CTNNA2: variants seen among roughly 807,000 people sequenced by gnomAD.
The protein encoded by CTNNA2 is catenin alpha-2.
In CTNNA2, 42 loss-of-function variants were observed where a neutral mutation model predicts 101.0. The ratio of observed to expected loss-of-function variants is 0.42; its 90% CI spans 0.32 to 0.54. The LOEUF (loss-of-function observed/expected upper bound fraction) is 0.54, where lower values mean the gene tolerates loss of function less well. Among genes scored for constraint, CTNNA2 ranks in the 20% least tolerant of loss-of-function variants. The pLI is 0.14. For synonymous variants in CTNNA2, 450 were observed against 456.4 expected (o/e 0.99, Z 0.18); for missense variants, 871 against 1,223.1 (o/e 0.71, Z 4.29).
chr2:79,355,282 T>C (rs1677484021), intron 3 of CTNNA2, among the ~76,000 whole-genome samples: 1 of 152,188 alleles, frequency 6.6e-6, no homozygotes, highest in South Asian at 2.1e-4. Context: ...GGTGATTTGA[T>C]AGGGAATACA....
At chr2:80,148,133 A>G (rs1703467460) in intron 7 of CTNNA2, among the ~76,000 whole-genome samples, 1 of 152,116 alleles carries the variant, frequency 6.6e-6, no homozygotes, top group South Asian at 2.1e-4. Context: ...TCCATTGCAA[A>G]TATCTAAATG....
chr2:80,121,599 C>T (rs758550410), intron 7 of CTNNA2, among the ~76,000 whole-genome samples: 1 of 152,086 alleles, frequency 6.6e-6, no homozygotes, highest in Non-Finnish European at 1.5e-5. Context: ...GATGAAGGAG[C>T]TGATGTTCAG....
chr2:79,804,958 G>A (rs1458236988), intron 3 of CTNNA2, among the ~76,000 whole-genome samples: 1 of 152,196 alleles, frequency 6.6e-6, no homozygotes, highest in Non-Finnish European at 1.5e-5. Flanking sequence ...GAGCAAGAAT[G>A]AGCTGGGCCA....
chr2:79,261,006 C>A (rs1169099006), intron 2 of CTNNA2, among the ~76,000 whole-genome samples: 2 of 152,142 alleles, frequency 1.3e-5, no homozygotes, highest in African/African-American at 4.8e-5. Flanking sequence ...AGAAGAATTA[C>A]CCTAAGCACA....
chr2:80,443,899 T>G (rs1487559884), intron 9 of CTNNA2, among the ~76,000 whole-genome samples: 1 of 152,170 alleles, frequency 6.6e-6, no homozygotes, highest in Non-Finnish European at 1.5e-5. Context: ...AGAGACCAAA[T>G]GGGGCACATC....
intron 9 of CTNNA2, among the ~76,000 whole-genome samples, chr2:80,505,676 G>T (rs1223170823): frequency 6.6e-6 from 1 of 152,174 alleles, no homozygotes; most frequent in Non-Finnish European, 1.5e-5. Flanking sequence ...GACATTTCAA[G>T]TTGTTCCCAA....
At chr2:80,259,085 A>G (rs1672397058) in intron 7 of CTNNA2, among the ~76,000 whole-genome samples, 1 of 152,122 alleles carries the variant, frequency 6.6e-6, no homozygotes, top group South Asian at 2.1e-4. Context: ...TGTTCGTTCC[A>G]GGAGTGATTG....
At chr2:80,322,335 G>GA in intron 7 of CTNNA2, among the ~76,000 whole-genome samples, 1 of 152,172 alleles carries the variant, frequency 6.6e-6, no homozygotes, top group Non-Finnish European at 1.5e-5. Context: ...ACAGACCCAT[G>GA]AATGGGTGTA....
intron 3 of CTNNA2, among the ~76,000 whole-genome samples, chr2:79,757,139 A>C (rs1672454823): frequency 6.6e-6 from 1 of 152,206 alleles, no homozygotes; most frequent in African/African-American, 2.4e-5. Context: ...AAATAAACTT[A>C]GAATAATTTT....
intron 18 of CTNNA2, among the ~76,000 whole-genome samples, chr2:80,637,827 G>A (rs1160257974): frequency 1.3e-5 from 2 of 152,106 alleles, no homozygotes; most frequent in African/African-American, 4.8e-5. Flanking sequence ...CCACCAACCT[G>A]CACCCAAACC....
chr2:79,835,705 A>T (rs1347805646), intron 3 of CTNNA2, among the ~76,000 whole-genome samples: 6 of 65,754 alleles, frequency 9.1e-5, no homozygotes, highest in South Asian at 5.6e-4. Context: ...TTTTTTTTTG[A>T]GACAGAGTGT....
At chr2:79,747,239 A>ACCT (rs1671707185) in intron 3 of CTNNA2, among the ~76,000 whole-genome samples, 1 of 151,904 alleles carries the variant, frequency 6.6e-6, no homozygotes. Flanking sequence ...GCAGTGCCAA[A>ACCT]TCTAAGTTTT....
Position 80,648,731 on chromosome 2 carries a change from T to G in CTNNA2, c.*859T>G. On this transcript the variant is annotated 3_prime_UTR_variant, in exon 19 of 19. Transcript: ENST00000402739. Reference sequence around the variant, plus strand: ...TGTAGCTTGGAGTGCTGGTATCTAATATACCATTGTATTCACTAACTAACT... The same window carrying G: ...TGTAGCTTGGAGTGCTGGTATCTAAGATACCATTGTATTCACTAACTAACT... 1 of 152,172 alleles carries G rather than the reference T, an allele frequency of 6.6e-6. No homozygotes were observed. Among genetic ancestry groups the G allele is most frequent in the Non-Finnish European group, 1.5e-5 (1 of 68,036 alleles). The allele number at this position is 152,172 out of a possible 1,614,324, so 9.4% of individuals were successfully genotyped here.
chr2:80,214,327 G>A (rs576743845), intron 7 of CTNNA2, among the ~76,000 whole-genome samples: 3 of 152,258 alleles, frequency 2.0e-5, no homozygotes, highest in Admixed American at 1.3e-4. Flanking sequence ...TTACAATTTG[G>A]CATGTTTTTG....
intron 4 of CTNNA2, among the ~76,000 whole-genome samples, chr2:79,419,272 T>C (rs926692146): frequency 6.6e-6 from 1 of 152,184 alleles, no homozygotes; most frequent in Admixed American, 6.5e-5. Context: ...AATACAAAAA[T>C]TATTTAACTC....
intron 7 of CTNNA2, among the ~76,000 whole-genome samples, chr2:80,105,849 C>A (rs1216391441): frequency 2.6e-5 from 4 of 152,138 alleles, no homozygotes; most frequent in African/African-American, 7.2e-5. Context: ...GTGTGTTTCA[C>A]CCCAGGCTTT....
intron 7 of CTNNA2, among the ~76,000 whole-genome samples, chr2:80,081,025 C>T (rs2148802778): frequency 6.8e-6 from 1 of 146,982 alleles, no homozygotes; most frequent in South Asian, 2.2e-4. Context: ...CGTGTGGAAC[C>T]AGTTATAGAA....
intron 3 of CTNNA2, among the ~76,000 whole-genome samples, chr2:79,779,087 C>T (rs1674226307): frequency 6.6e-6 from 1 of 151,742 alleles, no homozygotes; most frequent in Non-Finnish European, 1.5e-5. Flanking sequence ...ATGGCAGATA[C>T]CTCACTTTGT....
intron 7 of CTNNA2, among the ~76,000 whole-genome samples, chr2:80,071,199 G>A (rs1698317637): frequency 6.6e-6 from 1 of 152,098 alleles, no homozygotes; most frequent in African/African-American, 2.4e-5. Context: ...CTGTATTCTA[G>A]TTGTTATTAT....
Sources: gnomAD v4.1 joint callset for allele counts (sites outside exome capture counted in the v4.1 genomes callset) on GRCh38, gnomAD v4.1.1 for gene constraint, MANE v1.5 for transcripts, NCBI Gene and HGNC (gene_info 2026-07-23, HGNC 2026-07-21) for gene names.